The following CADPS variants were observed in gnomAD, a reference collection of about 807,000 sequenced individuals.
The protein encoded by CADPS is calcium-dependent secretion activator 1.
Under a neutral mutation model 167.3 loss-of-function variants are expected in CADPS, and 57 were observed. The observed-to-expected ratio is 0.34, with a 90% CI of 0.28 to 0.42. The LOEUF is 0.42. CADPS is among the 20% of genes least tolerant of loss of function. The probability of loss-of-function intolerance (pLI) is 1.00; values close to 1 mark genes in which losing one functional copy is unlikely to be tolerated. For synonymous variants in CADPS, 676 were observed against 635.3 expected (o/e 1.06, Z -0.96); for missense variants, 1,414 against 1,738.1 (o/e 0.81, Z 3.32).
chr3:62,484,129 A>G (rs909986163), intron 21 of CADPS, among the ~76,000 whole-genome samples: 6 of 152,148 alleles, frequency 3.9e-5, no homozygotes, highest in African/African-American at 1.4e-4. Flanking sequence ...ACTGCACTGG[A>G]CTCATAGAAA....
At chr3:62,684,788 T>C (rs1047563685) in intron 3 of CADPS, among the ~76,000 whole-genome samples, 5 of 151,952 alleles carry the variant, frequency 3.3e-5, no homozygotes, top group Admixed American at 6.6e-5. Context: ...GTCAGAGTAA[T>C]GGAATTAGGG....
chr3:62,407,795 A>G (rs1430107848), intron 28 of CADPS, among the ~76,000 whole-genome samples: 15 of 152,106 alleles, frequency 9.9e-5, no homozygotes, highest in Admixed American at 1.3e-4. Context: ...GTGCAGTGGC[A>G]TGATCTTGGC....
chr3:62,615,620 C>T (rs999514970), intron 6 of CADPS, among the ~76,000 whole-genome samples: 1 of 152,132 alleles, frequency 6.6e-6, no homozygotes, highest in Non-Finnish European at 1.5e-5. Context: ...AAAACAGCTG[C>T]ATGAGCAGAG....
At chr3:62,813,918 T>C (rs1348831689) in intron 1 of CADPS, among the ~76,000 whole-genome samples, 1 of 152,128 alleles carries the variant, frequency 6.6e-6, no homozygotes, top group Non-Finnish European at 1.5e-5. Context: ...AGAAGCTCAA[T>C]AAATTTTTAT....
intron 1 of CADPS, among the ~76,000 whole-genome samples, chr3:62,785,918 A>G (rs1433234952): frequency 1.3e-5 from 2 of 152,050 alleles, no homozygotes; most frequent in African/African-American, 4.8e-5. Context: ...CAAAAAGAAA[A>G]AAAAAAAAAA....
At chr3:62,864,045 C>T (rs1322346665) in intron 1 of CADPS, among the ~76,000 whole-genome samples, 4 of 152,176 alleles carry the variant, frequency 2.6e-5, no homozygotes, top group Non-Finnish European at 4.4e-5. Context: ...AGATAAAGTG[C>T]TTATACCAGA....
At chr3:62,794,256 G>T (rs922640043) in intron 1 of CADPS, among the ~76,000 whole-genome samples, 1 of 152,022 alleles carries the variant, frequency 6.6e-6, no homozygotes, top group African/African-American at 2.4e-5. Context: ...GATAACAACT[G>T]TGTCAACTAG....
At chr3:62,498,304 C>T (rs2065148611) in intron 18 of CADPS, 1 of 349,794 alleles carries the variant, frequency 2.9e-6, no homozygotes, top group African/African-American at 2.2e-5. Context: ...CATGGAATGA[C>T]CATTTTAGGT....
At chr3:62,817,206 C>A (rs1018158629) in intron 1 of CADPS, among the ~76,000 whole-genome samples, 1 of 145,524 alleles carries the variant, frequency 6.9e-6, no homozygotes, top group African/African-American at 2.6e-5. Context: ...ATAGACACTG[C>A]ACCATTTGTT....
At chr3:62,477,438 C>G (rs1221495642) in intron 23 of CADPS, among the ~76,000 whole-genome samples, 1 of 151,712 alleles carries the variant, frequency 6.6e-6, no homozygotes, top group Non-Finnish European at 1.5e-5. Flanking sequence ...AATTTTATTT[C>G]TATATTTGAT....
At position 62,601,217 on chromosome 3, in the gene CADPS, A is replaced by T. The variant is rs2059915805; in HGVS notation, c.1326-8469T>A. 6.6e-6 allele frequency among the ~76,000 whole-genome samples: 1 copy of T among 152,184 alleles called. No individual in the cohort carries two copies. The highest frequency in any genetic ancestry group is 2.4e-5 in the African/African-American group (1 of 41,444). On this transcript the variant is annotated intron_variant, in intron 6 of 29. Coordinates refer to ENST00000383710, the MANE Select transcript of CADPS (RefSeq NM_003716.4). This position sits in a 1 kb window ranked among gnomAD's most constrained non-coding sequence, Gnocchi z 4.3. ...TCAAAGGAATATTTGCAACACATGA[A>T]TATTATATGAAATTCAAATTTTGAT...
intron 3 of CADPS, among the ~76,000 whole-genome samples, chr3:62,735,692 C>A (rs1314655987): frequency 6.6e-6 from 1 of 152,108 alleles, no homozygotes; most frequent in Admixed American, 6.6e-5. Flanking sequence ...GAGCTCTTGC[C>A]AATGGGATCT....
chr3:62,544,686 A>G lies in CADPS; in HGVS notation c.1966+5217T>C, dbSNP rs1310091667. Among the ~76,000 whole-genome samples, 2 of 152,140 alleles carry G rather than the reference A, an allele frequency of 1.3e-5. No homozygotes were observed. The highest frequency in any genetic ancestry group is 1.3e-4 in the Admixed American group (2 of 15,270). ...ACATCACATGCATCCTAGTTTCAGT[A>G]TGGAAGCTTACATTTCAAACCTAAG... On this transcript the variant is annotated intron_variant, in intron 11 of 29. Coordinates refer to ENST00000383710, the MANE Select transcript of CADPS (RefSeq NM_003716.4). The surrounding 1 kb of genome is among the most constrained non-coding windows in gnomAD (Gnocchi z 4.4).
At chr3:62,796,470 T>A (rs979269665) in intron 1 of CADPS, 8 of 152,090 alleles carry the variant, frequency 5.3e-5, no homozygotes, top group African/African-American at 1.9e-4. Context: ...CTTGAGCTCA[T>A]GAATGGCAGC....
chr3:62,836,147 C>T (rs2075856122), intron 1 of CADPS, among the ~76,000 whole-genome samples: 1 of 152,146 alleles, frequency 6.6e-6, no homozygotes, highest in African/African-American at 2.4e-5. Flanking sequence ...GCTTTTAGAG[C>T]CCCTGAGTGA....
intron 1 of CADPS, among the ~76,000 whole-genome samples, chr3:62,788,471 T>G (rs1223704874): frequency 1.3e-5 from 2 of 152,164 alleles, no homozygotes; most frequent in African/African-American, 4.8e-5. Flanking sequence ...AACAAGATCG[T>G]AAATAAGGTC....
At chr3:62,683,653 T>C (rs1406032602) in intron 3 of CADPS, among the ~76,000 whole-genome samples, 1 of 152,048 alleles carries the variant, frequency 6.6e-6, no homozygotes, top group Non-Finnish European at 1.5e-5. Flanking sequence ...ATTAGATTTT[T>C]TCCCAGCATC....
At chr3:62,849,486 AG>A (rs1358432362) in intron 1 of CADPS, among the ~76,000 whole-genome samples, 17 of 109,582 alleles carry the variant, frequency 1.6e-4, no homozygotes, top group African/African-American at 5.9e-4. Flanking sequence ...TTTAGCATGA[AG>A]GGTTGTTGAA....
At chr3:62,441,879 A>G (rs2056373028) in intron 27 of CADPS, among the ~76,000 whole-genome samples, 1 of 152,170 alleles carries the variant, frequency 6.6e-6, no homozygotes, top group Non-Finnish European at 1.5e-5. Flanking sequence ...ATATGTAGCC[A>G]AGGTCAAGAA....
Sources: allele counts gnomAD v4.1 joint callset (sites outside exome capture counted in the v4.1 genomes callset), GRCh38; gene constraint gnomAD v4.1.1; non-coding constraint Gnocchi (gnomAD v3.1); transcripts MANE v1.5; gene names NCBI Gene and HGNC (gene_info 2026-07-23, HGNC 2026-07-21).